Variants in LPIN3 observed in about 807,000 individuals in gnomAD.
The protein encoded by LPIN3 is lipin 3, also known as phosphatidate phosphatase LPIN3.
A neutral mutation model predicts 94.7 loss-of-function variants in LPIN3; 82 were observed. The ratio of observed to expected loss-of-function variants is 0.87; its 90% CI spans 0.72 to 1.04. The LOEUF (loss-of-function observed/expected upper bound fraction) is 1.04, where lower values mean the gene tolerates loss of function less well. LPIN3 is among the 50% of genes least tolerant of loss of function. The pLI, the probability that LPIN3 is intolerant of heterozygous loss-of-function variation, is 0.00. For synonymous variants in LPIN3, 418 were observed against 443.3 expected (o/e 0.94, Z 0.72); for missense variants, 996 against 1,090.5 (o/e 0.91, Z 1.22).
intron 7 of LPIN3, among the ~76,000 whole-genome samples, 173 bp downstream of exon 7, chr20:41,350,570 G>C (rs2045971996): frequency 6.6e-6 from 1 of 152,204 alleles, no homozygotes; most frequent in Non-Finnish European, 1.5e-5. Flanking sequence ...ATGTGTGGAA[G>C]GGCGTGCCAC....
intron 10 of LPIN3, 46 bp downstream of exon 10, chr20:41,352,745 C>G (rs777024311): frequency 1.2e-6 from 2 of 1,612,810 alleles, no homozygotes; most frequent in African/African-American, 1.3e-5. Context: ...AGTCATTTCC[C>G]TCTTCACAAC....
At chr20:41,351,076 T>C (rs1209668056) in intron 7 of LPIN3, among the ~76,000 whole-genome samples, 1 of 130,598 alleles carries the variant, frequency 7.7e-6, no homozygotes, top group African/African-American at 3.0e-5. Context: ...AACCCATCTC[T>C]ACAAAAAAAA....
intron 3 of LPIN3, 75 bp downstream of exon 3, chr20:41,347,722 T>A: frequency 7.5e-7 from 1 of 1,331,378 alleles, no homozygotes; most frequent in Non-Finnish European, 1.0e-6. Context: ...GCCTTGGGAT[T>A]TGTCACCATC....
chr20:41,356,549 C>T (rs1272280475), intron 14 of LPIN3, among the ~76,000 whole-genome samples: 1 of 152,226 alleles, frequency 6.6e-6, no homozygotes, highest in African/African-American at 2.4e-5. Flanking sequence ...ACACTCAACT[C>T]AGGGCTTTGG....
chr20:41,354,044 CT>C (rs1340615731), intron 11 of LPIN3, among the ~76,000 whole-genome samples: 3 of 152,224 alleles, frequency 2.0e-5, no homozygotes, highest in Admixed American at 2.0e-4. Context: ...TGACTTGGGT[CT>C]GTAGGATGCT....
chr20:41,354,778 A>G, intron 12 of LPIN3, 41 bp downstream of exon 12: 1 of 1,612,060 alleles, frequency 6.2e-7, no homozygotes, highest in Non-Finnish European at 8.5e-7. Flanking sequence ...GGGCCAGCAC[A>G]GGGCGGGAGG....
At chr20:41,352,960 G>A in intron 11 of LPIN3, 93 bp downstream of exon 11, 3 of 1,421,684 alleles carry the variant, frequency 2.1e-6, no homozygotes, top group South Asian at 1.2e-5. Flanking sequence ...GGTGAGCAGA[G>A]ATGGGCCTGG....
chr20:41,358,967 C>A lies in LPIN3; in HGVS notation c.*101C>A. 6.9e-7 allele frequency: 1 copy of A among 1,440,854 alleles called. No homozygotes were observed. Among genetic ancestry groups the A allele is most frequent in the Non-Finnish European group, 9.4e-7 (1 of 1,065,142 alleles). The allele number at this position is 1,440,854 out of a possible 1,614,324, so 89.3% of individuals were successfully genotyped here. A position where few individuals can be genotyped will look rare whatever the true frequency, so the allele number is the denominator to read the frequency against. ...ATTGGAGTGTCATGGGGCAAACCCACTGAAGGGGAAGGAGGAGGCTGCAGG... is the reference window on the plus strand; with the variant it reads ...ATTGGAGTGTCATGGGGCAAACCCAATGAAGGGGAAGGAGGAGGCTGCAGG... On this transcript the variant is annotated 3_prime_UTR_variant, in exon 20 of 20. Transcript: ENST00000373257.
In LPIN3 at chr20:41,358,521, T is replaced by C. The variant is rs1207882427; in HGVS notation, c.2390T>C (p.Leu797Pro). 1.2e-6 allele frequency: 2 copies of C among 1,613,894 alleles called. No individual in the cohort carries two copies. Among genetic ancestry groups the C allele is most frequent in the Non-Finnish European group, 1.7e-6 (2 of 1,180,004 alleles). Residue 797 changes from leucine to proline, a missense_variant, in exon 19 of 20, where the codon CTC becomes CCC. Coordinates refer to ENST00000373257, the MANE Select transcript of LPIN3 (RefSeq NM_022896.3). ...VNPRGELIQE[L>P]IKNHKSTYER... ...CCCCGGGGAGAGCTCATCCAGGAGC[T>C]CATAAAGAACCACAAATCCACGTGA...
rs776541449 is a variant in LPIN3, at chr20:41,350,387, CA to C, written c.1093del (p.Arg365GlyfsTer55). ...CCACCGGGCAGCCAGAGAGGGTCTC[CA>C]GGGGGAAAGGTGAGTGACGCTGGGT... The part of the protein sequence containing the change: ...VPTGQPERVS[R>X]GKGSPKRSQH... On this transcript the variant is annotated frameshift_variant, in exon 7 of 20. Transcript: ENST00000373257. LOFTEE classifies it high-confidence loss of function. 3.2e-6 allele frequency: 5 copies of C among 1,567,044 alleles called. No homozygotes were observed. The highest frequency in any genetic ancestry group is 1.7e-4 in the Middle Eastern group (1 of 5,738).
At position 41,352,125 on chromosome 20, in the gene LPIN3, A is replaced by T. The variant is rs2046039829; in HGVS notation, c.1268A>T (p.Asn423Ile). The T allele has an allele frequency of 6.2e-7, 1 of 1,614,092 alleles. No homozygotes were observed. The highest frequency in any genetic ancestry group is 1.3e-5 in the African/African-American group (1 of 74,920). The change falls in exon 9 of 20, where the codon AAC becomes ATC. Residue 423 changes from asparagine to isoleucine, a missense_variant. Asn to Ile is a moderately radical substitution (Grantham distance 149). Coordinates refer to ENST00000373257, the MANE Select transcript of LPIN3 (RefSeq NM_022896.3). ...AGTCAGAAGTCCCTGAGGGACCCCA[A>T]CCCTGAACATGAACCTGAACCCACT... is the stretch of plus-strand genomic sequence containing the variant. ...PSSQKSLRDP[N>I]PEHEPEPTLD...
intron 2 of LPIN3, among the ~76,000 whole-genome samples, chr20:41,346,544 C>T (rs1320119744): frequency 6.6e-6 from 1 of 152,148 alleles, no homozygotes; most frequent in Non-Finnish European, 1.5e-5. Context: ...AGTTTGAGAC[C>T]AGCCTGGCCC....
At chr20:41,341,758 G>A (rs1423722503) in intron 1 of LPIN3, among the ~76,000 whole-genome samples, 1 of 152,202 alleles carries the variant, frequency 6.6e-6, no homozygotes, top group Non-Finnish European at 1.5e-5. Flanking sequence ...GAGGCGGGTG[G>A]ATCATGAGGT....
At chr20:41,349,688 G>A (rs1230987846) in intron 5 of LPIN3, 86 bp from the exon 6 acceptor site, 15 of 1,498,162 alleles carry the variant, frequency 1.0e-5, no homozygotes, top group Non-Finnish European at 5.4e-6. Context: ...ATAAATATAG[G>A]TTGCACATAT....
intron 8 of LPIN3, 40 bp downstream of exon 8, chr20:41,351,960 C>T (rs1449542387): frequency 1.2e-6 from 2 of 1,613,044 alleles, no homozygotes; most frequent in East Asian, 4.5e-5. Context: ...TGGGTCTGGG[C>T]TCCTGGGGCC....
chr20:41,349,157 G>T lies in LPIN3; in HGVS notation c.623G>T (p.Trp208Leu). ...ATCTACCCCTACTCGGATGGCGAGT[G>T]GCCCCCCCAGGCCAGGTAAGAGTCC... ...KDIYPYSDGE[W>L]PPQASLSAGE... is the part of the protein sequence containing the mutation. Residue 208 changes from tryptophan to leucine, a missense_variant, in exon 5 of 20, where the codon TGG becomes TTG. Physicochemically the swap from Trp to Leu is moderately conservative, Grantham distance 61 (BLOSUM62 -2). Coordinates refer to ENST00000373257, the MANE Select transcript of LPIN3 (RefSeq NM_022896.3). 1 of 1,614,074 alleles carries T rather than the reference G, an allele frequency of 6.2e-7. No homozygotes were observed. Among genetic ancestry groups the T allele is most frequent in the Non-Finnish European group, 8.5e-7 (1 of 1,179,970 alleles).
chr20:41,354,594 G>A (rs764835437), intron 11 of LPIN3, 51 bp from the exon 12 acceptor site: 8 of 1,496,478 alleles, frequency 5.3e-6, no homozygotes, highest in South Asian at 2.7e-5. Flanking sequence ...ACGTAAGGTA[G>A]GAGGTTTATG....
rs1449886517 is a variant in LPIN3, at chr20:41,360,423, G to A, written c.*1557G>A. 1 of 152,526 alleles carries A rather than the reference G, an allele frequency of 6.6e-6. No individual in the cohort carries two copies. Among genetic ancestry groups the A allele is most frequent in the African/African-American group, 2.4e-5 (1 of 41,450 alleles). 9.4% of individuals were successfully genotyped at this position (152,526 alleles called of 1,614,324 possible). On this transcript the variant is annotated 3_prime_UTR_variant, in exon 20 of 20. Transcript: ENST00000373257. Reference sequence around the variant, plus strand: ...AAGAGGACAGTGTGGGCACCAGAGGGCCCTGGAAACATCTTAGGGGAAGGA... The same window carrying A: ...AAGAGGACAGTGTGGGCACCAGAGGACCCTGGAAACATCTTAGGGGAAGGA...
chr20:41,354,437 T>G (rs1215208986), intron 11 of LPIN3, among the ~76,000 whole-genome samples: 4 of 152,186 alleles, frequency 2.6e-5, no homozygotes, highest in Admixed American at 6.5e-5. Context: ...GGAATAGCCC[T>G]TGGTCTTTTG....
Sources: gnomAD v4.1 joint callset for allele counts (sites outside exome capture counted in the v4.1 genomes callset) on GRCh38, gnomAD v4.1.1 for gene constraint, MANE v1.5 for transcripts, NCBI Gene and HGNC (gene_info 2026-07-23, HGNC 2026-07-21) for gene names.